COL24A1: variants seen among roughly 807,000 people sequenced by gnomAD.
COL24A1 encodes the protein collagen alpha-1(XXIV) chain.
In COL24A1, 224 loss-of-function variants were observed where a neutral mutation model predicts 253.9. The observed-to-expected ratio is 0.88, with a 90% CI of 0.79 to 0.99. The LOEUF (loss-of-function observed/expected upper bound fraction) is 0.99, where lower values mean the gene tolerates loss of function less well. COL24A1 is among the 50% of genes least tolerant of loss of function. COL24A1 has a pLI of 0.00. For missense variants in COL24A1, 2,131 were observed against 2,068.5 expected, an observed-to-expected ratio of 1.03 and a Z score of -0.59; for synonymous variants, 685 against 673.7, an observed-to-expected ratio of 1.02 and a Z score of -0.26.
rs189047503 is a variant in COL24A1 at position 86,017,072 on chromosome 1, T to G, written c.2310+79A>C. ...AAGAGGATCTTTCTTAAGCTTGCTA[T>G]GTTGAAACATGTTTTATCAAACAAG... On this transcript the variant is annotated intron_variant, in intron 19 of 59. Coordinates refer to ENST00000370571, the MANE Select transcript of COL24A1 (RefSeq NM_152890.7). 783 of 1,257,322 alleles carry G rather than the reference T, an allele frequency of 6.2e-4. 6 individuals carry two copies. The highest frequency in any genetic ancestry group is 9.5e-4 in the Middle Eastern group (5 of 5,256). The allele number at this position is 1,257,322 out of a possible 1,614,324, so 77.9% of individuals were successfully genotyped here.
intron 24 of COL24A1, among the ~76,000 whole-genome samples, chr1:85,950,535 G>A (rs1453879345): frequency 6.6e-6 from 1 of 152,082 alleles, no homozygotes; most frequent in African/African-American, 2.4e-5. Flanking sequence ...GTAAGTATTA[G>A]GCTTGAAAAC....
At chr1:86,092,179 C>T in intron 6 of COL24A1, 88 bp downstream of exon 6, 1 of 981,014 alleles carries the variant, frequency 1.0e-6, no homozygotes, top group Non-Finnish European at 1.5e-6. Context: ...CTGTCTGATA[C>T]AGTAAAATCT....
chr1:85,825,786 G>A (rs1389523352), intron 43 of COL24A1, among the ~76,000 whole-genome samples: 1 of 114,538 alleles, frequency 8.7e-6, no homozygotes, highest in African/African-American at 3.3e-5. Context: ...TTTTTTTCTT[G>A]TAAATTTGTT....
chr1:85,832,448 TC>T (rs1675417386), intron 43 of COL24A1, among the ~76,000 whole-genome samples: 1 of 151,704 alleles, frequency 6.6e-6, no homozygotes, highest in Non-Finnish European at 1.5e-5. Flanking sequence ...AGTAGTTTTT[TC>T]CAATTCTGTG....
At chr1:86,132,996 T>C (rs1649526417) in intron 2 of COL24A1, among the ~76,000 whole-genome samples, 1 of 121,918 alleles carries the variant, frequency 8.2e-6, no homozygotes, top group Non-Finnish European at 1.7e-5. Flanking sequence ...TTCCTACCTA[T>C]GAGCACGGAA....
rs772407730 is a variant in COL24A1, at chr1:86,092,257, A to C, written c.1653+10T>G. 2.5e-6 allele frequency: 4 copies of C among 1,581,574 alleles called. No individual in the cohort carries two copies. Among genetic ancestry groups the C allele is most frequent in the Non-Finnish European group, 3.5e-6 (4 of 1,156,942 alleles). On this transcript the variant is annotated intron_variant, in intron 6 of 59. Transcript: ENST00000370571. ...ATTACCATAATTTCATTTCATGGTC[A>C]AATAATTACCTTTTCTCCAGGAACA...
intron 24 of COL24A1, among the ~76,000 whole-genome samples, chr1:85,960,263 A>C (rs2100664584): frequency 6.6e-6 from 1 of 152,300 alleles, no homozygotes; most frequent in South Asian, 2.1e-4. Flanking sequence ...GTGACAATTA[A>C]TTTAGCACAC....
chr1:85,910,116 T>C (rs928544865), intron 25 of COL24A1, 113 bp from the exon 26 acceptor site: 4 of 617,294 alleles, frequency 6.5e-6, no homozygotes, highest in Non-Finnish European at 1.1e-5. Flanking sequence ...CATGCATACA[T>C]CATTTTTATT....
chr1:85,952,770 T>C (rs1690056613), intron 24 of COL24A1, among the ~76,000 whole-genome samples: 1 of 152,256 alleles, frequency 6.6e-6, no homozygotes, highest in Non-Finnish European at 1.5e-5. Flanking sequence ...AAAGACCGTA[T>C]GGCCTGAAAG....
chr1:85,998,853 C>G (rs1406227657), intron 19 of COL24A1, among the ~76,000 whole-genome samples: 3 of 152,208 alleles, frequency 2.0e-5, no homozygotes, highest in African/African-American at 7.2e-5. Context: ...TCTTGTCACC[C>G]TGTGGGAAGT....
intron 53 of COL24A1, 123 bp from the exon 54 acceptor site, chr1:85,761,689 T>C: frequency 1.1e-6 from 1 of 900,970 alleles, no homozygotes; most frequent in South Asian, 1.5e-5. Flanking sequence ...CAATTTAAAA[T>C]TGTTTTAGTA....
At chr1:85,874,554 T>A in intron 35 of COL24A1, 95 bp downstream of exon 35, 1 of 1,118,360 alleles carries the variant, frequency 8.9e-7, no homozygotes, top group Non-Finnish European at 1.3e-6. Context: ...TCAGAAAGGT[T>A]TATTATCCAA....
At chr1:86,139,267 T>G (rs146417039) in intron 2 of COL24A1, among the ~76,000 whole-genome samples, 1 of 151,864 alleles carries the variant, frequency 6.6e-6, no homozygotes, top group Non-Finnish European at 1.5e-5. Flanking sequence ...TAAGTCTTAG[T>G]AGAGGATAAA....
chr1:85,827,102 C>A (rs566352163), intron 43 of COL24A1, among the ~76,000 whole-genome samples: 29 of 152,204 alleles, frequency 1.9e-4, no homozygotes, highest in African/African-American at 7.0e-4. Flanking sequence ...TACGTCCCAT[C>A]AATACCTAAT....
chr1:86,067,127 A>G (rs900728108), intron 7 of COL24A1, among the ~76,000 whole-genome samples: 1 of 151,930 alleles, frequency 6.6e-6, no homozygotes, highest in African/African-American at 2.4e-5. Context: ...TGACAGAGCA[A>G]GACTCCATCT....
chr1:86,135,928 A>G (rs1650175318), intron 2 of COL24A1, among the ~76,000 whole-genome samples: 1 of 152,052 alleles, frequency 6.6e-6, no homozygotes, highest in Admixed American at 6.6e-5. Flanking sequence ...AACTTATAGA[A>G]AGATGCTGGC....
chr1:85,755,944 T>G (rs923460465), intron 55 of COL24A1, among the ~76,000 whole-genome samples: 1 of 139,296 alleles, frequency 7.2e-6, no homozygotes, highest in Non-Finnish European at 1.5e-5. Flanking sequence ...AGGGACACTA[T>G]AAAGAGAGTG....
intron 53 of COL24A1, among the ~76,000 whole-genome samples, chr1:85,766,195 G>A (rs938074146): frequency 2.0e-5 from 3 of 151,546 alleles, no homozygotes; most frequent in African/African-American, 4.8e-5. Context: ...GTGAAATCCC[G>A]TTTCTACAAA....
chr1:86,031,140 T>C (rs1194988501), intron 14 of COL24A1, among the ~76,000 whole-genome samples: 2 of 152,166 alleles, frequency 1.3e-5, no homozygotes, highest in African/African-American at 4.8e-5. Flanking sequence ...TGAGATTCTG[T>C]CATTTGCAAC....
Sources: allele counts gnomAD v4.1 joint callset (sites outside exome capture counted in the v4.1 genomes callset), GRCh38; gene constraint gnomAD v4.1.1; transcripts MANE v1.5; gene names NCBI Gene and HGNC (gene_info 2026-07-23, HGNC 2026-07-21).